CHD5: variants seen among roughly 807,000 people sequenced by gnomAD.
CHD5 encodes chromodomain helicase DNA binding protein 5.
A neutral mutation model predicts 230.3 loss-of-function variants in CHD5; 69 were observed. The ratio of observed to expected loss-of-function variants is 0.30; its 90% CI spans 0.25 to 0.37. The LOEUF (loss-of-function observed/expected upper bound fraction) is 0.37, where lower values mean the gene tolerates loss of function less well. CHD5 is among the 10% of genes least tolerant of loss of function. CHD5 has a pLI of 1.00. For missense variants in CHD5, 1,827 were observed against 2,622.8 expected (o/e 0.70, Z 6.63); for synonymous variants, 1,064 against 1,065.9 (o/e 1.00, Z 0.03).
At chr1:6,110,606 G>T in intron 36 of CHD5, 80 bp from the exon 37 acceptor site, 1 of 1,458,984 alleles carries the variant, frequency 6.9e-7, no homozygotes, top group Non-Finnish European at 9.4e-7. Context: ...GGGAGGGGGA[G>T]GGGCCAGCCC....
At chr1:6,124,468 G>C in intron 30 of CHD5, 49 bp downstream of exon 30, 1 of 1,606,276 alleles carries the variant, frequency 6.2e-7, no homozygotes, top group Non-Finnish European at 8.5e-7. Context: ...ACAGCACCAG[G>C]AGCCCAGGCA....
At chr1:6,158,270 C>G (rs889858626) in intron 3 of CHD5, among the ~76,000 whole-genome samples, 1 of 152,188 alleles carries the variant, frequency 6.6e-6, no homozygotes, top group East Asian at 1.9e-4. Context: ...GACGCTGGGC[C>G]CAGGGGAGAG....
rs1666714567 is a variant in CHD5, at chr1:6,134,819, G to A, written c.2911C>T (p.Leu971=). ...KFILTRNFEA[L]NSKGGGNQVS... is the part of the protein sequence containing the mutation. ...TGGTTCCCGCCCCCCTTGGAGTTCAGTGCCTCAAAGTTCCGTGTGAGGATG... is the reference window on the plus strand; with the variant it reads ...TGGTTCCCGCCCCCCTTGGAGTTCAATGCCTCAAAGTTCCGTGTGAGGATG... Residue 971 remains leucine, a synonymous_variant, in exon 19 of 42, where the codon CTG becomes TTG. Coordinates refer to ENST00000262450, the MANE Select transcript of CHD5 (RefSeq NM_015557.3). This position sits in a 1 kb window ranked among gnomAD's most constrained non-coding sequence, Gnocchi z 6.3. 1.2e-6 allele frequency: 2 copies of A among 1,614,148 alleles called. No homozygotes were observed. Among genetic ancestry groups the A allele is most frequent in the South Asian group, 2.2e-5 (2 of 91,084 alleles).
chr1:6,106,215 A>G lies in CHD5; in HGVS notation c.*46+19T>C, dbSNP rs1306576339. On this transcript the variant is annotated intron_variant, in intron 41 of 41. Transcript: ENST00000262450. Reference sequence around the variant, plus strand: ...GCAATGGGGTGGCGGGGAGGAACACAGCACCCAGCAGCCCTCACCTCAGCT... The same window carrying G: ...GCAATGGGGTGGCGGGGAGGAACACGGCACCCAGCAGCCCTCACCTCAGCT... 1 of 1,605,546 alleles carries G rather than the reference A, an allele frequency of 6.2e-7. No individual in the cohort carries two copies. Among genetic ancestry groups the G allele is most frequent in the Non-Finnish European group, 8.5e-7 (1 of 1,173,416 alleles).
At chr1:6,144,269 TG>T in intron 11 of CHD5, 114 bp from the exon 12 acceptor site, 3 of 1,447,662 alleles carry the variant, frequency 2.1e-6, no homozygotes, top group Non-Finnish European at 2.8e-6. Flanking sequence ...CCTCGGATGC[TG>T]GGCCCAGCCA....
intron 20 of CHD5, among the ~76,000 whole-genome samples, chr1:6,132,194 A>G (rs1051228543): frequency 4.6e-5 from 7 of 152,158 alleles, no homozygotes; most frequent in Non-Finnish European, 7.4e-5. Flanking sequence ...TCCCCATAAG[A>G]AAAGAAAGGC....
chr1:6,149,839 T>C (rs998713120), intron 7 of CHD5, among the ~76,000 whole-genome samples: 1 of 148,082 alleles, frequency 6.8e-6, no homozygotes, highest in South Asian at 2.2e-4. Flanking sequence ...GGATGATGAA[T>C]GGACAAATGG....
At position 6,155,930 on chromosome 1, in the gene CHD5, C is replaced by T. The variant is rs774866139; in HGVS notation, c.388-213G>A. On this transcript the variant is annotated intron_variant, in intron 3 of 41. Transcript: ENST00000262450. The surrounding 1 kb of genome is among the most constrained non-coding windows in gnomAD (Gnocchi z 4.0). ...CCCAATCTGTGCCACGTCTCAGATG[C>T]CAGCCCACGAAGTGCAGGCCAAGTG... is the stretch of plus-strand genomic sequence containing the variant. 6.6e-6 allele frequency among the ~76,000 whole-genome samples: 1 copy of T among 152,228 alleles called. No individual in the cohort carries two copies. The highest frequency in any genetic ancestry group is 2.4e-5 in the African/African-American group (1 of 41,466).
At position 6,155,347 on chromosome 1, in the gene CHD5, A is replaced by T. The variant is rs1667064952; in HGVS notation, c.506+252T>A. Among the ~76,000 whole-genome samples, 1 of 152,048 alleles carries T rather than the reference A, an allele frequency of 6.6e-6. No homozygotes were observed. The highest frequency in any genetic ancestry group is 1.5e-5 in the Non-Finnish European group (1 of 67,994). On this transcript the variant is annotated intron_variant, in intron 4 of 41. Coordinates refer to ENST00000262450, the MANE Select transcript of CHD5 (RefSeq NM_015557.3). The surrounding 1 kb of genome is among the most constrained non-coding windows in gnomAD (Gnocchi z 4.0). The stretch of plus-strand genomic sequence containing the variant: ...CCATGGTGGTGAAAGACCCCCCAGG[A>T]AAGACTGGAACCACCTTCCCCAAGG...
Position 6,179,971 on chromosome 1 carries a change from T to C in CHD5, c.53A>G (p.Glu18Gly). The C allele has an allele frequency of 1.5e-6, 2 of 1,374,942 alleles. No individual in the cohort carries two copies. The highest frequency in any genetic ancestry group is 1.3e-5 in the South Asian group (1 of 74,948). The allele number at this position is 1,374,942 out of a possible 1,614,324, so 85.2% of individuals were successfully genotyped here. The change falls in exon 1 of 42, where the codon GAG (glutamate) becomes GGG (glycine). Residue 18 changes from glutamate to glycine, a missense_variant. Physicochemically the swap from Glu to Gly is moderately conservative, Grantham distance 98 (BLOSUM62 -2). Transcript: ENST00000262450. ...EEELPRLFAE[E>G]MENEDEMSEE... ...TGACATCTCGTCCTCATTCTCCATC[T>C]CCTCGGCGAACAGCCGCGGCAGCTC...
intron 2 of CHD5, among the ~76,000 whole-genome samples, chr1:6,163,635 G>A (rs1390606725): frequency 2.0e-5 from 3 of 152,186 alleles, no homozygotes; most frequent in East Asian, 1.9e-4. Context: ...ATCATCCAGC[G>A]GCAAGAAGGA....
chr1:6,155,541 G>T lies in CHD5; in HGVS notation c.506+58C>A. The T allele has an allele frequency of 1.4e-6, 2 of 1,468,652 alleles. No individual in the cohort carries two copies. The highest frequency in any genetic ancestry group is 1.1e-5 in the South Asian group (1 of 87,708). The allele number at this position is 1,468,652 out of a possible 1,614,324, so 91.0% of individuals were successfully genotyped here. On this transcript the variant is annotated intron_variant, in intron 4 of 41. Transcript: ENST00000262450. The surrounding 1 kb of genome is among the most constrained non-coding windows in gnomAD (Gnocchi z 4.0). ...GGCTTCACTCCTCTGCCTCCCTCCCGACTTGGTACCACCAGAGGATGTGCG... is the reference window on the plus strand; with the variant it reads ...GGCTTCACTCCTCTGCCTCCCTCCCTACTTGGTACCACCAGAGGATGTGCG...
At chr1:6,157,824 A>C (rs566501429) in intron 3 of CHD5, among the ~76,000 whole-genome samples, 3 of 152,272 alleles carry the variant, frequency 2.0e-5, no homozygotes, top group Admixed American at 6.5e-5. Context: ...CACTCTCTTA[A>C]GTGAAGCTTT....
In CHD5 at chr1:6,154,889, A is replaced by G. The variant is rs1277487519; in HGVS notation, c.516T>C (p.Ile172=). The G allele has an allele frequency of 6.2e-7, 1 of 1,613,360 alleles. No individual in the cohort carries two copies. The highest frequency in any genetic ancestry group is 1.3e-5 in the African/African-American group (1 of 74,928). The stretch of plus-strand genomic sequence containing the variant: ...TGGGGATCTTCGGGTTCTTCTTGGC[A>G]ATGAGTGGCCTGTAGGGGGAGAGGC... ...KAFSQFLRPL[I]AKKNPKIPMS... is the part of the protein sequence containing the mutation. Residue 172 remains isoleucine, a synonymous_variant, in exon 5 of 42, where the codon ATT becomes ATC. Transcript: ENST00000262450. The surrounding 1 kb of genome is among the most constrained non-coding windows in gnomAD (Gnocchi z 7.0).
Position 6,154,763 on chromosome 1 carries a change from A to AGCCACC in CHD5, c.636_641dup (p.Val213_Ala214dup). On this transcript the variant is annotated inframe_insertion, in exon 5 of 42. Coordinates refer to ENST00000262450, the MANE Select transcript of CHD5 (RefSeq NM_015557.3). This position sits in a 1 kb window ranked among gnomAD's most constrained non-coding sequence, Gnocchi z 7.0. ...AGATGGTGACCGTCTCTACAGCCGC[A>AGCCACC]GCCACCGCCGCCGCCGCTGCTGCCG... 6.2e-7 allele frequency: 1 copy of AGCCACC among 1,612,384 alleles called. No homozygotes were observed. Among genetic ancestry groups the AGCCACC allele is most frequent in the Non-Finnish European group, 8.5e-7 (1 of 1,179,670 alleles).
rs1667130837 is a variant in CHD5 at position 6,159,354 on chromosome 1, A to G, written c.369T>C (p.Asn123=). The change falls in exon 3 of 42, where the codon AAT becomes AAC. Residue 123 remains asparagine, a synonymous_variant. Transcript: ENST00000262450. The part of the protein sequence containing the change: ...RKKKDEDEDD[N]DDGCLKEPKS... The stretch of plus-strand genomic sequence containing the variant: ...CAGTTACCTTTAAGCATCCATCATC[A>G]TTATCATCCTCATCCTCATCCTTCT... 3 of 1,551,482 alleles carry G rather than the reference A, an allele frequency of 1.9e-6. No homozygotes were observed. Among genetic ancestry groups the G allele is most frequent in the Non-Finnish European group, 2.6e-6 (3 of 1,146,884 alleles).
chr1:6,111,246 GA>G (rs1666283013), intron 36 of CHD5, among the ~76,000 whole-genome samples: 1 of 141,600 alleles, frequency 7.1e-6, no homozygotes, highest in Non-Finnish European at 1.5e-5. Flanking sequence ...AAAAGAAAAA[GA>G]AAAAGGCCGG....
chr1:6,118,978 G>A (rs1038964161), intron 33 of CHD5, among the ~76,000 whole-genome samples: 1 of 151,500 alleles, frequency 6.6e-6, no homozygotes, highest in Non-Finnish European at 1.5e-5. Flanking sequence ...GATTACAGGT[G>A]TGAGCTACCA....
intron 33 of CHD5, among the ~76,000 whole-genome samples, chr1:6,116,019 T>A (rs1299112488): frequency 6.6e-6 from 1 of 152,218 alleles, no homozygotes; most frequent in Non-Finnish European, 1.5e-5. Flanking sequence ...AAGCAAAAGA[T>A]ATGAAAACTT....
Sources: allele counts gnomAD v4.1 joint callset (sites outside exome capture counted in the v4.1 genomes callset), GRCh38; gene constraint gnomAD v4.1.1; non-coding constraint Gnocchi (gnomAD v3.1); transcripts MANE v1.5; gene names NCBI Gene and HGNC (gene_info 2026-07-23, HGNC 2026-07-21).